Variants in GPC5 observed in about 807,000 individuals in gnomAD.
GPC5 encodes the protein glypican 5.
GPC5 carries 47 observed loss-of-function variants against 53.9 expected under a neutral mutation model. The ratio of observed to expected loss-of-function variants is 0.87; its 90% confidence interval spans 0.69 to 1.11. The LOEUF is 1.11. Among genes scored for constraint, GPC5 ranks in the 50% most tolerant of loss-of-function variants. The probability of loss-of-function intolerance (pLI) is 0.00; values close to 1 mark genes in which losing one functional copy is unlikely to be tolerated. For missense variants in GPC5, 748 were observed against 713.1 expected (o/e 1.05, Z -0.56); for synonymous variants, 286 against 263.3 (o/e 1.09, Z -0.84).
chr13:91,762,362 A>G (rs1390717837), intron 5 of GPC5, among the ~76,000 whole-genome samples: 1 of 151,140 alleles, frequency 6.6e-6, no homozygotes, highest in Non-Finnish European at 1.5e-5. Context: ...TTCAATTTCA[A>G]TCTTTCTTTT....
chr13:91,485,235 A>T lies in GPC5; in HGVS notation c.325+36313A>T, dbSNP rs531979840. 5.5e-3 allele frequency among the ~76,000 whole-genome samples: 812 copies of T among 148,948 alleles called. 8 individuals are homozygous for T. Among genetic ancestry groups the T allele is most frequent in the Middle Eastern group, 0.017 (5 of 286 alleles). ...TCCCTTTTTTTTTTTTTTTTGAGACAGAGTCTTGTTCTTGTCCCCCAGTCT... is the reference window on the plus strand; with the variant it reads ...TCCCTTTTTTTTTTTTTTTTGAGACTGAGTCTTGTTCTTGTCCCCCAGTCT... On this transcript the variant is annotated intron_variant, in intron 2 of 7. Coordinates refer to ENST00000377067, the MANE Select transcript of GPC5 (RefSeq NM_004466.6).
chr13:92,244,529 G>T (rs999560058), intron 7 of GPC5, among the ~76,000 whole-genome samples: 1 of 151,998 alleles, frequency 6.6e-6, no homozygotes, highest in Non-Finnish European at 1.5e-5. Context: ...TAACGTTATG[G>T]TCCAATCTAG....
intron 2 of GPC5, among the ~76,000 whole-genome samples, chr13:91,504,423 G>A (rs1884824913): frequency 6.6e-6 from 1 of 151,900 alleles, no homozygotes; most frequent in African/African-American, 2.4e-5. Flanking sequence ...TAAATATATT[G>A]AAGTTATAGT....
At chr13:92,577,781 A>T (rs1208482794) in intron 7 of GPC5, among the ~76,000 whole-genome samples, 1 of 151,896 alleles carries the variant, frequency 6.6e-6, no homozygotes, top group Non-Finnish European at 1.5e-5. Context: ...TTTACAGAAG[A>T]AAAAGTAAAT....
intron 7 of GPC5, among the ~76,000 whole-genome samples, chr13:92,285,647 T>C (rs1362212450): frequency 6.6e-6 from 1 of 152,200 alleles, no homozygotes; most frequent in Non-Finnish European, 1.5e-5. Flanking sequence ...GGGAAAGGAT[T>C]CCCTATTTAA....
intron 6 of GPC5, among the ~76,000 whole-genome samples, chr13:92,122,168 G>C (rs1490735639): frequency 1.3e-5 from 2 of 152,124 alleles, no homozygotes; most frequent in South Asian, 4.1e-4. Context: ...AAAAGAAATT[G>C]TATGTGGAGA....
chr13:92,137,544 G>A (rs531433521), intron 6 of GPC5, among the ~76,000 whole-genome samples: 15 of 152,298 alleles, frequency 9.8e-5, no homozygotes, highest in East Asian at 5.8e-4. Flanking sequence ...TACTCATAAT[G>A]TGCTAGCATT....
At chr13:92,310,220 A>G (rs2043136601) in intron 7 of GPC5, among the ~76,000 whole-genome samples, 1 of 152,134 alleles carries the variant, frequency 6.6e-6, no homozygotes, top group South Asian at 2.1e-4. Flanking sequence ...TATTGTGAAT[A>G]TATTTTTAAC....
rs1053690672 is a variant in GPC5 at position 92,537,645 on chromosome 13, G to A, written c.1562-328637G>A. On this transcript the variant is annotated intron_variant, in intron 7 of 7. Coordinates refer to ENST00000377067, the MANE Select transcript of GPC5 (RefSeq NM_004466.6). ...ACTAGTACATTACAGCTCTCCCACA[G>A]ATATCATAAACAGCAACATCTTTGG... 2.6e-5 allele frequency among the ~76,000 whole-genome samples: 4 copies of A among 152,010 alleles called. No homozygotes were observed. The East Asian group carries it at 5.8e-4, about 22-fold the overall frequency.
chr13:91,861,206 TATAA>T (rs1306488306), intron 5 of GPC5, among the ~76,000 whole-genome samples: 1 of 152,228 alleles, frequency 6.6e-6, no homozygotes, highest in Admixed American at 6.5e-5. Context: ...GTGTAGTTTT[TATAA>T]ATGTCAATAA....
intron 7 of GPC5, among the ~76,000 whole-genome samples, chr13:92,737,096 T>C (rs1888955442): frequency 6.6e-6 from 1 of 152,026 alleles, no homozygotes. Flanking sequence ...TCATGTTATA[T>C]AACAGTTCAT....
intron 2 of GPC5, among the ~76,000 whole-genome samples, chr13:91,596,242 CTTATA>C (rs1306559587): frequency 1.3e-5 from 2 of 151,856 alleles, no homozygotes; most frequent in African/African-American, 2.4e-5. Flanking sequence ...CTATTGTTGT[CTTATA>C]TTAAAGTATA....
At chr13:91,792,992 A>C (rs2037991260) in intron 5 of GPC5, among the ~76,000 whole-genome samples, 1 of 152,128 alleles carries the variant, frequency 6.6e-6, no homozygotes, top group Non-Finnish European at 1.5e-5. Flanking sequence ...ATTCATGTTA[A>C]ACCCTTCAAG....
At chr13:92,603,009 T>C (rs1414463617) in intron 7 of GPC5, among the ~76,000 whole-genome samples, 1 of 152,214 alleles carries the variant, frequency 6.6e-6, no homozygotes, top group Admixed American at 6.5e-5. Context: ...GTGCAAAGTG[T>C]TGCCTGCCTA....
At chr13:91,678,029 A>G (rs2035423213) in intron 2 of GPC5, among the ~76,000 whole-genome samples, 1 of 152,242 alleles carries the variant, frequency 6.6e-6, no homozygotes, top group Non-Finnish European at 1.5e-5. Flanking sequence ...AGAAAGAATT[A>G]CAATTTTTTT....
intron 7 of GPC5, among the ~76,000 whole-genome samples, chr13:92,839,092 A>C (rs183439804): frequency 1.3e-5 from 2 of 152,352 alleles, no homozygotes; most frequent in East Asian, 1.9e-4. Flanking sequence ...AGTATTTCAA[A>C]AACTTCAGCA....
intron 2 of GPC5, among the ~76,000 whole-genome samples, chr13:91,673,837 CCCTCTTCCCTCCTTTCTTT>C (rs1245695034): frequency 6.6e-6 from 1 of 152,104 alleles, no homozygotes; most frequent in Admixed American, 6.6e-5. Context: ...TATTTTCCTT[CCCTCTTCCCTCCTTTCTTT>C]CCTCTTCTTT....
At chr13:91,746,497 T>C (rs1009646409) in intron 4 of GPC5, among the ~76,000 whole-genome samples, 5 of 152,062 alleles carry the variant, frequency 3.3e-5, no homozygotes, top group African/African-American at 1.2e-4. Flanking sequence ...TTGTATTCAA[T>C]GGAAAAAAAG....
At chr13:92,138,940 T>G (rs548748294) in intron 6 of GPC5, among the ~76,000 whole-genome samples, 1 of 152,336 alleles carries the variant, frequency 6.6e-6, no homozygotes, top group East Asian at 1.9e-4. Context: ...ACAGACTTTT[T>G]GCAAAAATCC....
Sources: allele counts gnomAD v4.1 joint callset (sites outside exome capture counted in the v4.1 genomes callset), GRCh38; gene constraint gnomAD v4.1.1; transcripts MANE v1.5; gene names NCBI Gene and HGNC (gene_info 2026-07-23, HGNC 2026-07-21).